Variants in NAALADL2 observed in about 807,000 individuals in gnomAD.
NAALADL2 encodes the protein inactive N-acetylated-alpha-linked acidic dipeptidase-like protein 2.
Under a neutral mutation model 87.2 loss-of-function variants are expected in NAALADL2, and 76 were observed. The observed-to-expected ratio is 0.87, with a 90% CI of 0.72 to 1.05. NAALADL2 has a LOEUF of 1.05. Ranked by LOEUF, NAALADL2 falls within the 50% of genes least tolerant of loss-of-function variation. The probability of loss-of-function intolerance (pLI) is 0.00; values close to 1 mark genes in which losing one functional copy is unlikely to be tolerated. For missense variants in NAALADL2, 1,089 were observed against 945.8 expected (o/e 1.15, Z -1.99); for synonymous variants, 354 against 331.0 (o/e 1.07, Z -0.75).
At chr3:175,657,299 AG>A (rs934704584) in intron 11 of NAALADL2, among the ~76,000 whole-genome samples, 1 of 152,198 alleles carries the variant, frequency 6.6e-6, no homozygotes, top group African/African-American at 2.4e-5. Flanking sequence ...ACTAATTCAA[AG>A]GTTTAATCAC....
At chr3:175,194,623 A>G (rs527501563) in intron 2 of NAALADL2, among the ~76,000 whole-genome samples, 1 of 152,006 alleles carries the variant, frequency 6.6e-6, no homozygotes, top group Admixed American at 6.6e-5. Flanking sequence ...ACTTTTATAG[A>G]GGAGGAGTCC....
chr3:175,681,054 CG>C (rs1377980355), intron 11 of NAALADL2, among the ~76,000 whole-genome samples: 1 of 151,956 alleles, frequency 6.6e-6, no homozygotes, highest in Non-Finnish European at 1.5e-5. Flanking sequence ...TGGAGGTTGC[CG>C]TGAGCCGAGA....
intron 9 of NAALADL2, among the ~76,000 whole-genome samples, chr3:175,489,533 A>C (rs1727757793): frequency 6.6e-6 from 1 of 152,214 alleles, no homozygotes; most frequent in African/African-American, 2.4e-5. Flanking sequence ...AAAGCTTGAC[A>C]ATTCTAGATA....
chr3:175,388,084 A>C (rs562282002), intron 5 of NAALADL2, among the ~76,000 whole-genome samples: 2 of 152,150 alleles, frequency 1.3e-5, no homozygotes, highest in East Asian at 3.9e-4. Flanking sequence ...GCTGTAACCA[A>C]ATTTTGAAAG....
At position 175,096,930 on chromosome 3, in the gene NAALADL2, G is replaced by T; in HGVS notation, c.184G>T (p.Asp62Tyr). 1.2e-6 allele frequency: 2 copies of T among 1,613,348 alleles called. No individual in the cohort carries two copies. The highest frequency in any genetic ancestry group is 1.7e-6 in the Non-Finnish European group (2 of 1,179,642). The change falls in exon 2 of 14, where the codon GAC becomes TAC. Residue 62 changes from aspartate (D) to tyrosine (Y), a missense_variant. Coordinates refer to ENST00000454872, the MANE Select transcript of NAALADL2 (RefSeq NM_207015.3). ...GAAGGAACTAGAGGAGTCTGGTTTT[G>T]ACCAATTCCAGCTAGACGGTGCTGA... ...MEKELEESGF[D>Y]QFQLDGAENQ... is the part of the protein sequence containing the mutation.
chr3:174,658,538 CA>C (rs1725203244), intron 2 of NAALADL2, among the ~76,000 whole-genome samples: 1 of 151,932 alleles, frequency 6.6e-6, no homozygotes. Flanking sequence ...TGTCTTTTTG[CA>C]ATCATCATTA....
chr3:174,663,460 C>T (rs901356812), intron 2 of NAALADL2, among the ~76,000 whole-genome samples: 9 of 152,086 alleles, frequency 5.9e-5, no homozygotes, highest in Non-Finnish European at 8.8e-5. Flanking sequence ...CTTATGGAGA[C>T]GGACTCAGAC....
intron 13 of NAALADL2, among the ~76,000 whole-genome samples, chr3:175,781,533 T>TATAC (rs1480301457): frequency 2.7e-5 from 4 of 150,270 alleles, no homozygotes; most frequent in Non-Finnish European, 5.9e-5. Flanking sequence ...TCCTAGTTTA[T>TATAC]GTACTTACTA....
chr3:175,616,446 G>A (rs1725365428), intron 10 of NAALADL2, among the ~76,000 whole-genome samples: 1 of 152,056 alleles, frequency 6.6e-6, no homozygotes, highest in Non-Finnish European at 1.5e-5. Context: ...GCAGAGATCA[G>A]AGTCATTACT....
intron 5 of NAALADL2, among the ~76,000 whole-genome samples, chr3:175,354,867 T>A (rs890683380): frequency 1.6e-5 from 2 of 126,060 alleles, no homozygotes; most frequent in Non-Finnish European, 3.4e-5. Flanking sequence ...TATACATACA[T>A]ACATACATAT....
At chr3:174,781,091 A>T (rs572968330) in intron 3 of NAALADL2, among the ~76,000 whole-genome samples, 1 of 152,094 alleles carries the variant, frequency 6.6e-6, no homozygotes, top group Admixed American at 6.6e-5. Flanking sequence ...TTTGTTAAGA[A>T]TGTTGAATAT....
In NAALADL2 at chr3:175,237,459, C is replaced by G. The variant is rs560289391; in HGVS notation, c.819+3255C>G. Reference sequence around the variant, plus strand: ...CTTAGAAACTAGAAATGTGAATTCGCAGGATACCGATGGTGTTCTCCACCC... The same window carrying G: ...CTTAGAAACTAGAAATGTGAATTCGGAGGATACCGATGGTGTTCTCCACCC... On this transcript the variant is annotated intron_variant, in intron 3 of 13. Coordinates refer to ENST00000454872, the MANE Select transcript of NAALADL2 (RefSeq NM_207015.3). Among the ~76,000 whole-genome samples, 127 of 152,178 alleles carry G rather than the reference C, an allele frequency of 8.3e-4. 1 individual carries two copies. Among genetic ancestry groups the G allele is most frequent in the African/African-American group, 2.9e-3 (121 of 41,538 alleles).
chr3:174,676,881 G>A (rs1473376174), intron 2 of NAALADL2, among the ~76,000 whole-genome samples: 1 of 151,780 alleles, frequency 6.6e-6, no homozygotes, highest in Non-Finnish European at 1.5e-5. Flanking sequence ...TTATAGAAAT[G>A]AATAATGAAC....
intron 13 of NAALADL2, among the ~76,000 whole-genome samples, chr3:175,796,756 T>G (rs766780648): frequency 6.6e-6 from 1 of 152,218 alleles, no homozygotes; most frequent in East Asian, 1.9e-4. Flanking sequence ...TGATTTCATT[T>G]AGGAGTTTCT....
rs191378030 is a variant in NAALADL2, at chr3:174,673,569, T to G, written c.-114-64072T>G. On this transcript the variant is annotated intron_variant, in intron 2 of 3. Transcript: ENST00000434257. ...ACAGAAAAACAAATATTACAAATTC[T>G]CACTCACATGTAAGAACTAAAAGCG... 2.9e-3 allele frequency among the ~76,000 whole-genome samples: 430 copies of G among 148,430 alleles called. 9 individuals carry two copies. Among genetic ancestry groups the G allele is most frequent in the Admixed American group, 0.026 (386 of 14,588 alleles).
chr3:174,699,494 CAA>C (rs5854590), intron 2 of NAALADL2, among the ~76,000 whole-genome samples: 39 of 121,128 alleles, frequency 3.2e-4, no homozygotes, highest in East Asian at 6.6e-4. Context: ...AACTCCATCT[CAA>C]AAAAAAAAAA....
At chr3:175,630,559 A>G (rs2149725223) in intron 11 of NAALADL2, among the ~76,000 whole-genome samples, 1 of 151,918 alleles carries the variant, frequency 6.6e-6, no homozygotes, top group South Asian at 2.1e-4. Context: ...ATATACATAT[A>G]TGGATAATAC....
At chr3:175,245,375 T>C (rs945735307) in intron 3 of NAALADL2, among the ~76,000 whole-genome samples, 6 of 152,218 alleles carry the variant, frequency 3.9e-5, no homozygotes, top group African/African-American at 1.4e-4. Flanking sequence ...TCTGTTGACT[T>C]TGGAGACTAT....
intron 9 of NAALADL2, among the ~76,000 whole-genome samples, chr3:175,473,516 G>A (rs1161653431): frequency 6.6e-6 from 1 of 151,482 alleles, no homozygotes; most frequent in African/African-American, 2.4e-5. Context: ...TTCAATCAAT[G>A]GGGATTACTT....
Sources: gnomAD v4.1 joint callset for allele counts (sites outside exome capture counted in the v4.1 genomes callset) on GRCh38, gnomAD v4.1.1 for gene constraint, MANE v1.5 for transcripts, NCBI Gene and HGNC (gene_info 2026-07-23, HGNC 2026-07-21) for gene names.